The following CNBD1 variants were observed in gnomAD, a reference collection of about 807,000 sequenced individuals.
CNBD1 encodes cyclic nucleotide binding domain containing 1.
CNBD1 carries 71 observed loss-of-function variants against 54.4 expected under a neutral mutation model. The observed-to-expected ratio is 1.30, with a 90% CI of 1.08 to 1.59. The LOEUF (loss-of-function observed/expected upper bound fraction) is 1.59, where lower values mean the gene tolerates loss of function less well. Ranked by LOEUF, CNBD1 falls within the 40% of genes most tolerant of loss-of-function variation. CNBD1 has a pLI of 0.00. For missense variants in CNBD1, 659 were observed against 518.0 expected, an observed-to-expected ratio of 1.27 and a Z score of -2.64; for synonymous variants, 182 against 170.7, an observed-to-expected ratio of 1.07 and a Z score of -0.51.
chr8:86,978,106 G>A (rs534812563), intron 4 of CNBD1, among the ~76,000 whole-genome samples: 1 of 152,088 alleles, frequency 6.6e-6, no homozygotes, highest in East Asian at 1.9e-4. Context: ...CAAAAGATTG[G>A]AATGTACTGT....
At chr8:87,153,205 A>C (rs915239876) in intron 4 of CNBD1, among the ~76,000 whole-genome samples, 3 of 152,218 alleles carry the variant, frequency 2.0e-5, no homozygotes, top group Non-Finnish European at 4.4e-5. Context: ...GTGATGGAGA[A>C]AAAGCACTTT....
At position 87,093,253 on chromosome 8, in the gene CNBD1, C is replaced by T. The variant is rs964037715; in HGVS notation, c.432-112740C>T. Among the ~76,000 whole-genome samples the T allele has an allele frequency of 2.2e-4, 34 of 152,096 alleles. 1 individual carries two copies. The highest frequency in any genetic ancestry group is 8.2e-4 in the African/African-American group (34 of 41,388). On this transcript the variant is annotated intron_variant, in intron 4 of 10. Transcript: ENST00000518476. ...TTGTTGAGAGCTAATTTTTCGGCCA[C>T]CTTTGTGCGGCAACGGACAGATGAG...
chr8:87,100,289 A>T, intron 4 of CNBD1, among the ~76,000 whole-genome samples: 1 of 152,168 alleles, frequency 6.6e-6, no homozygotes, highest in East Asian at 1.9e-4. Flanking sequence ...ATCTAGATAA[A>T]ATATTTTAAA....
intron 6 of CNBD1, among the ~76,000 whole-genome samples, chr8:87,277,378 A>G (rs564738421): frequency 2.4e-4 from 36 of 151,886 alleles, no homozygotes; most frequent in Non-Finnish European, 4.6e-4. Context: ...CTATGTATCT[A>G]AATGTTAATC....
intron 6 of CNBD1, among the ~76,000 whole-genome samples, chr8:87,253,898 TA>T (rs1308940748): frequency 6.6e-6 from 1 of 152,126 alleles, no homozygotes; most frequent in Non-Finnish European, 1.5e-5. Flanking sequence ...TTTAGTTACA[TA>T]AAAAATCAAC....
At chr8:87,420,134 T>A (rs1213237963) in intron 2 of CNBD1, among the ~76,000 whole-genome samples, 1 of 151,972 alleles carries the variant, frequency 6.6e-6, no homozygotes, top group East Asian at 1.9e-4. Flanking sequence ...AGACATCATT[T>A]GATCATCACT....
chr8:87,392,496 C>T (rs979205289), intron 2 of CNBD1, among the ~76,000 whole-genome samples: 3 of 151,964 alleles, frequency 2.0e-5, no homozygotes, highest in South Asian at 4.1e-4. Flanking sequence ...AGTCCTGATA[C>T]ATGAAATAAT....
chr8:87,400,353 C>T (rs757807367), intron 2 of CNBD1, among the ~76,000 whole-genome samples: 14 of 151,906 alleles, frequency 9.2e-5, no homozygotes, highest in Non-Finnish European at 1.9e-4. Context: ...GGAATTGATA[C>T]ACCTTAATGT....
chr8:86,895,588 T>C (rs1426364126), intron 2 of CNBD1, among the ~76,000 whole-genome samples: 1 of 152,228 alleles, frequency 6.6e-6, no homozygotes, highest in Non-Finnish European at 1.5e-5. Flanking sequence ...GAGTTTCTTT[T>C]GCTCCATAAC....
intron 3 of CNBD1, among the ~76,000 whole-genome samples, chr8:86,923,615 A>G (rs1809311745): frequency 6.6e-6 from 1 of 152,138 alleles, no homozygotes; most frequent in African/African-American, 2.4e-5. Flanking sequence ...GTCAGCACAA[A>G]TTGGCCTTAG....
chr8:86,917,603 GCTGAGTCAGGAATCTGATGAC>G, intron 3 of CNBD1, among the ~76,000 whole-genome samples: 1 of 152,274 alleles, frequency 6.6e-6, no homozygotes, highest in Admixed American at 6.5e-5. Context: ...AGACCAAGCT[GCTGAGTCAGGAATCTGATGAC>G]GTGAGGAGAA....
At chr8:87,006,856 A>G (rs944750128) in intron 4 of CNBD1, among the ~76,000 whole-genome samples, 1 of 152,242 alleles carries the variant, frequency 6.6e-6, no homozygotes, top group African/African-American at 2.4e-5. Flanking sequence ...AGCTATTTAA[A>G]CATTATGACT....
chr8:87,015,638 AC>A (rs1483617729), intron 4 of CNBD1, among the ~76,000 whole-genome samples: 1 of 151,760 alleles, frequency 6.6e-6, no homozygotes, highest in African/African-American at 2.4e-5. Context: ...GGCTCCTGTA[AC>A]TTTTACTAAT....
At chr8:86,957,970 G>C (rs1807823920) in intron 4 of CNBD1, among the ~76,000 whole-genome samples, 1 of 152,182 alleles carries the variant, frequency 6.6e-6, no homozygotes, top group Admixed American at 6.5e-5. Context: ...CGCATTTAGT[G>C]CTATAAATTT....
chr8:87,008,312 T>C (rs1809144260), intron 4 of CNBD1, among the ~76,000 whole-genome samples: 1 of 152,230 alleles, frequency 6.6e-6, no homozygotes, highest in Non-Finnish European at 1.5e-5. Flanking sequence ...GTAAGTTTTA[T>C]GGGTTCTTTG....
At chr8:87,343,595 T>A (rs929530195) in intron 8 of CNBD1, among the ~76,000 whole-genome samples, 1 of 152,192 alleles carries the variant, frequency 6.6e-6, no homozygotes, top group East Asian at 1.9e-4. Flanking sequence ...TTCCTATGTG[T>A]TGTTTAGGCT....
At chr8:87,349,116 A>G (rs1456214931) in intron 8 of CNBD1, among the ~76,000 whole-genome samples, 2 of 152,168 alleles carry the variant, frequency 1.3e-5, no homozygotes, top group African/African-American at 2.4e-5. Context: ...TATATAGTTC[A>G]TGATTAAGTC....
intron 4 of CNBD1, among the ~76,000 whole-genome samples, chr8:87,032,131 G>C (rs900504694): frequency 6.6e-6 from 1 of 152,056 alleles, no homozygotes; most frequent in Non-Finnish European, 1.5e-5. Context: ...GTTCTTAATG[G>C]CTGCATACAT....
intron 10 of CNBD1, among the ~76,000 whole-genome samples, chr8:87,379,154 C>G (rs1811018956): frequency 6.6e-6 from 1 of 151,854 alleles, no homozygotes. Flanking sequence ...ATTTCCTTCT[C>G]CTGCCTAATT....
Sources: gnomAD v4.1 joint callset for allele counts (sites outside exome capture counted in the v4.1 genomes callset) on GRCh38, gnomAD v4.1.1 for gene constraint, MANE v1.5 for transcripts, NCBI Gene and HGNC (gene_info 2026-07-23, HGNC 2026-07-21) for gene names.